Variants in SPAG16 observed in about 807,000 individuals in gnomAD.
SPAG16 encodes the protein sperm-associated antigen 16 protein.
In SPAG16, 86 loss-of-function variants were observed where a neutral mutation model predicts 80.4. The ratio of observed to expected loss-of-function variants is 1.07; its 90% CI spans 0.90 to 1.28. The LOEUF is 1.28. Among genes scored for constraint, SPAG16 ranks in the 50% most tolerant of loss-of-function variants. The pLI, the probability that SPAG16 is intolerant of heterozygous loss-of-function variation, is 0.00. For synonymous variants in SPAG16, 294 were observed against 265.9 expected, an observed-to-expected ratio of 1.11 and a Z score of -1.03; for missense variants, 870 against 765.3, an observed-to-expected ratio of 1.14 and a Z score of -1.61.
intron 11 of SPAG16, among the ~76,000 whole-genome samples, chr2:213,898,163 C>T (rs979781253): frequency 6.6e-6 from 1 of 152,020 alleles, no homozygotes; most frequent in African/African-American, 2.4e-5. Context: ...CAGAAAGGTC[C>T]AGAAAGACTA....
In SPAG16 at chr2:214,103,134, T is replaced by G. The variant is rs895511100; in HGVS notation, c.1528-5062T>G. On this transcript the variant is annotated intron_variant, in intron 13 of 15. Transcript: ENST00000331683. ...CCCAGAATGTCATACTTCACCGTTT[T>G]GTCTCTTAACACACATGCCCAAGAA... Among the ~76,000 whole-genome samples the G allele has an allele frequency of 5.9e-5, 9 of 152,328 alleles. No homozygotes were observed. The East Asian group carries it at 1.7e-3, about 29-fold the overall frequency.
At chr2:213,719,332 A>G (rs995218525) in intron 10 of SPAG16, among the ~76,000 whole-genome samples, 8 of 152,032 alleles carry the variant, frequency 5.3e-5, no homozygotes, top group Admixed American at 1.3e-4. Context: ...AAACACACCA[A>G]TCAGCACCCT....
At chr2:213,557,724 A>G (rs1350243396) in intron 10 of SPAG16, among the ~76,000 whole-genome samples, 1 of 152,158 alleles carries the variant, frequency 6.6e-6, no homozygotes, top group Non-Finnish European at 1.5e-5. Flanking sequence ...AGTAGCTGGG[A>G]TTACAGGCAT....
intron 10 of SPAG16, among the ~76,000 whole-genome samples, chr2:213,499,537 C>G (rs866498978): frequency 6.6e-6 from 1 of 152,126 alleles, no homozygotes; most frequent in East Asian, 1.9e-4. Flanking sequence ...TTTCAACATA[C>G]TGTGTATTAT....
intron 14 of SPAG16, among the ~76,000 whole-genome samples, chr2:214,142,469 A>G (rs1208268152): frequency 6.6e-6 from 1 of 152,174 alleles, no homozygotes; most frequent in South Asian, 2.1e-4. Context: ...TTGAGTAAGT[A>G]AAAGGTCTGA....
rs367640830 is a variant in SPAG16 at position 213,386,902 on chromosome 2, A to G, written c.942+11783A>G. On this transcript the variant is annotated intron_variant, in intron 9 of 15. Coordinates refer to ENST00000331683, the MANE Select transcript of SPAG16 (RefSeq NM_024532.5). ...TGGAATATATTTTATCCTAAAGGAA[A>G]TAAGAGCCATTATGCAATTAATTGG... 8.5e-5 allele frequency among the ~76,000 whole-genome samples: 13 copies of G among 152,332 alleles called. 1 individual carries two copies. In the South Asian group the frequency reaches 2.1e-3, roughly 24 times the overall value.
At chr2:214,405,297 T>C (rs1701934727) in intron 15 of SPAG16, among the ~76,000 whole-genome samples, 1 of 152,110 alleles carries the variant, frequency 6.6e-6, no homozygotes, top group Non-Finnish European at 1.5e-5. Flanking sequence ...TAATTTTCTT[T>C]TAAATTTTTT....
chr2:213,374,965 C>A (rs369550586), intron 8 of SPAG16, 45 bp from the exon 9 acceptor site: 3 of 1,387,782 alleles, frequency 2.2e-6, no homozygotes, highest in East Asian at 2.5e-5. Context: ...CATTTTATAC[C>A]GATAAACAGT....
At chr2:214,002,248 T>C (rs778400643) in intron 12 of SPAG16, among the ~76,000 whole-genome samples, 1 of 152,232 alleles carries the variant, frequency 6.6e-6, no homozygotes, top group African/African-American at 2.4e-5. Context: ...AATAGTTTAC[T>C]ATTGCATCCT....
intron 10 of SPAG16, among the ~76,000 whole-genome samples, chr2:213,730,460 GC>G (rs1464146503): frequency 6.6e-6 from 1 of 152,102 alleles, no homozygotes; most frequent in Non-Finnish European, 1.5e-5. Context: ...ACTTAATTTT[GC>G]TGAATATAAC....
intron 10 of SPAG16, among the ~76,000 whole-genome samples, chr2:213,809,581 T>C (rs940478906): frequency 6.6e-6 from 1 of 152,186 alleles, no homozygotes; most frequent in South Asian, 2.1e-4. Context: ...AAATAACTGA[T>C]GTTCTCAATT....
chr2:214,050,571 C>A (rs959506569), intron 13 of SPAG16, among the ~76,000 whole-genome samples: 1 of 151,970 alleles, frequency 6.6e-6, no homozygotes, highest in Non-Finnish European at 1.5e-5. Flanking sequence ...AATTGGGACT[C>A]TTTTTAAGTC....
intron 12 of SPAG16, among the ~76,000 whole-genome samples, chr2:213,984,195 A>G (rs2045898047): frequency 6.6e-6 from 1 of 152,112 alleles, no homozygotes; most frequent in African/African-American, 2.4e-5. Flanking sequence ...AAAAAGTCTA[A>G]TTGCTGATTA....
At chr2:214,239,705 A>G (rs1187385156) in intron 15 of SPAG16, 1 of 152,130 alleles carries the variant, frequency 6.6e-6, no homozygotes. Flanking sequence ...GCACTGTCAG[A>G]GCTGCACTGG....
intron 10 of SPAG16, among the ~76,000 whole-genome samples, chr2:213,500,451 G>A (rs1179810174): frequency 6.6e-6 from 1 of 152,200 alleles, no homozygotes; most frequent in Non-Finnish European, 1.5e-5. Flanking sequence ...TTATGTGAGA[G>A]GAGAAAAGTG....
intron 10 of SPAG16, among the ~76,000 whole-genome samples, chr2:213,605,855 C>A (rs571137037): frequency 7.2e-4 from 110 of 152,270 alleles, no homozygotes; most frequent in Admixed American, 2.0e-3. Flanking sequence ...GTACACAAAT[C>A]TTAAGCAGCT....
intron 10 of SPAG16, among the ~76,000 whole-genome samples, chr2:213,786,657 T>G (rs982174899): frequency 6.6e-6 from 1 of 152,180 alleles, no homozygotes; most frequent in African/African-American, 2.4e-5. Flanking sequence ...AACTGTGTAT[T>G]CATAAAACAT....
chr2:213,933,856 A>G (rs751024739), intron 12 of SPAG16, among the ~76,000 whole-genome samples: 5 of 152,216 alleles, frequency 3.3e-5, no homozygotes, highest in African/African-American at 4.8e-5. Context: ...GGAAGCAACT[A>G]TATTAGAAAC....
At chr2:213,423,381 G>T (rs1395447553) in intron 9 of SPAG16, among the ~76,000 whole-genome samples, 1 of 152,134 alleles carries the variant, frequency 6.6e-6, no homozygotes, top group Non-Finnish European at 1.5e-5. Context: ...ATAGGGTTAG[G>T]TTACCTTAAA....
Sources: allele counts gnomAD v4.1 joint callset (sites outside exome capture counted in the v4.1 genomes callset), GRCh38; gene constraint gnomAD v4.1.1; transcripts MANE v1.5; gene names NCBI Gene and HGNC (gene_info 2026-07-23, HGNC 2026-07-21).